Variants in RAB28 observed in about 807,000 individuals in gnomAD.
RAB28 encodes RAB28, member RAS oncogene family, also known as ras-related protein Rab-28.
A neutral mutation model predicts 31.7 loss-of-function variants in RAB28; 24 were observed. The ratio of observed to expected loss-of-function variants is 0.76; its 90% CI spans 0.55 to 1.06. The LOEUF is 1.06. Among genes scored for constraint, RAB28 ranks in the 50% least tolerant of loss-of-function variants. The probability of loss-of-function intolerance (pLI) is 0.00; values close to 1 mark genes in which losing one functional copy is unlikely to be tolerated. For synonymous variants in RAB28, 100 were observed against 90.4 expected (o/e 1.11, Z -0.60); for missense variants, 254 against 258.5 (o/e 0.98, Z 0.12).
intron 5 of RAB28, among the ~76,000 whole-genome samples, chr4:13,378,993 G>A (rs950896894): frequency 5.3e-5 from 8 of 151,922 alleles, no homozygotes; most frequent in African/African-American, 9.7e-5. Context: ...GGTGAATCAC[G>A]AGGTCAGTTC....
intron 6 of RAB28, among the ~76,000 whole-genome samples, chr4:13,369,610 T>G (rs1728639648): frequency 6.6e-6 from 1 of 152,118 alleles, no homozygotes; most frequent in African/African-American, 2.4e-5. Flanking sequence ...TCACTGCACA[T>G]GTAATAAACA....
intron 4 of RAB28, among the ~76,000 whole-genome samples, chr4:13,415,512 C>G (rs781758541): frequency 2.0e-5 from 3 of 152,114 alleles, no homozygotes; most frequent in South Asian, 2.1e-4. Flanking sequence ...CCTGCCGGCC[C>G]GGGCAATGAG....
chr4:13,418,165 C>T (rs1712909244), intron 4 of RAB28, among the ~76,000 whole-genome samples: 2 of 151,806 alleles, frequency 1.3e-5, no homozygotes, highest in Non-Finnish European at 2.9e-5. Flanking sequence ...GATTGAAGAT[C>T]AAATTAATGA....
chr4:13,369,624 C>G (rs1474434341), intron 6 of RAB28, among the ~76,000 whole-genome samples: 1 of 152,072 alleles, frequency 6.6e-6, no homozygotes, highest in African/African-American at 2.4e-5. Context: ...ATAAACACAA[C>G]CATAAAGACA....
At chr4:13,458,282 C>G (rs1034581465) in intron 4 of RAB28, among the ~76,000 whole-genome samples, 25 of 151,738 alleles carry the variant, frequency 1.6e-4, no homozygotes, top group African/African-American at 6.1e-4. Context: ...AAATGACATT[C>G]ACACCTGTGT....
At chr4:13,370,150 C>CAAAAGGAAAG in intron 6 of RAB28, 1 of 979,496 alleles carries the variant, frequency 1.0e-6, no homozygotes. Flanking sequence ...TGTACACATA[C>CAAAAGGAAAG]AAAAGGAAAG....
chr4:13,442,306 G>A (rs1714462649), intron 4 of RAB28, among the ~76,000 whole-genome samples: 2 of 151,836 alleles, frequency 1.3e-5, no homozygotes, highest in Non-Finnish European at 2.9e-5. Flanking sequence ...ACCAAAAACA[G>A]AAGCACATTC....
At chr4:13,456,016 A>AT (rs1330642816) in intron 4 of RAB28, among the ~76,000 whole-genome samples, 4 of 151,992 alleles carry the variant, frequency 2.6e-5, no homozygotes, top group Non-Finnish European at 5.9e-5. Flanking sequence ...AAACAAAGAA[A>AT]TTTTTTTTTA....
chr4:13,438,363 T>C (rs1292795378), intron 4 of RAB28, among the ~76,000 whole-genome samples: 3 of 152,136 alleles, frequency 2.0e-5, no homozygotes, highest in Non-Finnish European at 2.9e-5. Context: ...ATCACCACTA[T>C]CTAATTCCAG....
chr4:13,372,270 A>G (rs1358187310), intron 6 of RAB28, among the ~76,000 whole-genome samples: 2 of 152,136 alleles, frequency 1.3e-5, no homozygotes, highest in African/African-American at 2.4e-5. Context: ...ACAAGATTAC[A>G]GAACACAATT....
chr4:13,413,766 A>T (rs1312850141), intron 4 of RAB28, among the ~76,000 whole-genome samples: 1 of 152,222 alleles, frequency 6.6e-6, no homozygotes. Flanking sequence ...TTAAAGACAG[A>T]GAATGCCAAG....
rs1311673514 is a variant in RAB28 at position 13,376,575 on chromosome 4, T to C, written c.543A>G (p.Lys181=). The change falls in exon 6 of 7, where the codon AAA becomes AAG. Residue 181 remains lysine, a synonymous_variant. Coordinates refer to ENST00000330852, the MANE Select transcript of RAB28 (RefSeq NM_001017979.3). The part of the protein sequence containing the change: ...QKVAAEILGI[K]LNKAEIEQSQ... ...ACTGTTCTATTTCTGCTTTGTTTAA[T>C]TTGATCCCAAGGATTTCAGCAGCAA... 1 of 1,604,482 alleles carries C rather than the reference T, an allele frequency of 6.2e-7. No homozygotes were observed. The highest frequency in any genetic ancestry group is 8.5e-7 in the Non-Finnish European group (1 of 1,176,488).
At chr4:13,460,640 C>T in intron 4 of RAB28, 59 bp downstream of exon 4, 2 of 1,595,100 alleles carry the variant, frequency 1.3e-6, no homozygotes, top group Non-Finnish European at 1.7e-6. Flanking sequence ...GGGACACAAA[C>T]ATTCTGTCCA....
At chr4:13,417,814 A>C (rs142279561) in intron 4 of RAB28, among the ~76,000 whole-genome samples, 2,099 of 152,336 alleles carry the variant, frequency 0.014, 24 homozygotes, top group Middle Eastern at 0.044. Flanking sequence ...GAAAAGCTGA[A>C]AATTCTAAAG....
intron 4 of RAB28, among the ~76,000 whole-genome samples, chr4:13,418,555 T>C (rs1712932249): frequency 2.0e-5 from 3 of 152,202 alleles, no homozygotes; most frequent in Non-Finnish European, 2.9e-5. Context: ...GCGGATCTCT[T>C]GGCAGAAACT....
At chr4:13,370,914 A>T (rs1487381693) in intron 6 of RAB28, 3 of 965,436 alleles carry the variant, frequency 3.1e-6, no homozygotes, top group Non-Finnish European at 3.7e-6. Flanking sequence ...TAAAAAGACC[A>T]TATGTGACAA....
chr4:13,467,716 G>C (rs190817484), intron 3 of RAB28, among the ~76,000 whole-genome samples: 1,755 of 152,018 alleles, frequency 0.012, 13 homozygotes, highest in Non-Finnish European at 0.018. Context: ...CAGAAAAAGA[G>C]GGGATAAGAA....
At chr4:13,410,715 T>C (rs985764356) in intron 4 of RAB28, among the ~76,000 whole-genome samples, 2 of 151,966 alleles carry the variant, frequency 1.3e-5, no homozygotes, top group African/African-American at 4.8e-5. Context: ...ACTGTGTGTG[T>C]GGTAGCGTTA....
rs76346487 is a variant in RAB28 at position 13,468,172 on chromosome 4, A to T, written c.261+6146T>A. ...TCTGCAGATCCCCCTAGAGTTGAAG[A>T]CTTTTTTCATTAAGCAAACAGAAAA... On this transcript the variant is annotated intron_variant, in intron 3 of 6. Transcript: ENST00000330852. Among the ~76,000 whole-genome samples, 68 of 152,060 alleles carry T rather than the reference A, an allele frequency of 4.5e-4. 2 individuals are homozygous for T. The East Asian group carries it at 0.013, about 29-fold the overall frequency.
Sources: allele counts gnomAD v4.1 joint callset (sites outside exome capture counted in the v4.1 genomes callset), GRCh38; gene constraint gnomAD v4.1.1; transcripts MANE v1.5; gene names NCBI Gene and HGNC (gene_info 2026-07-23, HGNC 2026-07-21).